The following TRIP12 variants were observed in gnomAD, a reference collection of about 807,000 sequenced individuals.
The protein encoded by TRIP12 is E3 ubiquitin-protein ligase TRIP12.
TRIP12 carries 25 observed loss-of-function variants against 244.2 expected under a neutral mutation model. That is an observed-to-expected ratio of 0.10 (90% CI 0.07 to 0.14). The LOEUF (loss-of-function observed/expected upper bound fraction) is 0.14, where lower values mean the gene tolerates loss of function less well. Among genes scored for constraint, TRIP12 ranks in the 10% least tolerant of loss-of-function variants. The pLI, the probability that TRIP12 is intolerant of heterozygous loss-of-function variation, is 1.00. For synonymous variants in TRIP12, 905 were observed against 873.1 expected, an observed-to-expected ratio of 1.04 and a Z score of -0.64; for missense variants, 1,677 against 2,486.4, an observed-to-expected ratio of 0.67 and a Z score of 6.92.
At chr2:229,863,316 A>C (rs940286301) in intron 2 of TRIP12, among the ~76,000 whole-genome samples, 12 of 152,076 alleles carry the variant, frequency 7.9e-5, no homozygotes, top group Admixed American at 4.6e-4. Flanking sequence ...GTGATATTCT[A>C]AGGACTGTTT....
At chr2:229,922,731 T>G, upstream of TRIP12, 2 of 966,750 alleles carry the variant, frequency 2.1e-6, no homozygotes, top group Admixed American at 2.8e-5. Flanking sequence ...CAGTCCCGGC[T>G]CCGCGCCGGG....
At chr2:229,858,630 G>A in intron 4 of TRIP12, 142 bp downstream of exon 4, 2 of 704,320 alleles carry the variant, frequency 2.8e-6, no homozygotes, top group Non-Finnish European at 4.6e-6. Flanking sequence ...ATGCTGTTAT[G>A]TACTTAATTA....
chr2:229,844,324 T>C (rs1368026983), intron 4 of TRIP12, among the ~76,000 whole-genome samples: 5 of 152,248 alleles, frequency 3.3e-5, no homozygotes, highest in Non-Finnish European at 7.3e-5. Flanking sequence ...GAGAAATGTC[T>C]GCCTACTTAA....
chr2:229,874,373 A>C (rs763363791), intron 2 of TRIP12, among the ~76,000 whole-genome samples: 8 of 152,212 alleles, frequency 5.3e-5, no homozygotes, highest in Non-Finnish European at 1.0e-4. Flanking sequence ...GAAAGACAAA[A>C]GTCTTCAAAA....
Position 229,778,904 on chromosome 2 carries a change from A to T in TRIP12, c.5181T>A (p.Gly1727=), listed in dbSNP as rs1388904938. Reference sequence around the variant, plus strand: ...TTGGATTGCTAAGAGTTACTTCTTCACCTCTCCAAAGACCCAAGTCAGCTC... The same window carrying T: ...TTGGATTGCTAAGAGTTACTTCTTCTCCTCTCCAAAGACCCAAGTCAGCTC... ...LQRADLGLWR[G]EEVTLSNPKG... is the part of the protein sequence containing the mutation. Residue 1727 remains glycine, a synonymous_variant, in exon 35 of 42, where the codon GGT becomes GGA. Coordinates refer to ENST00000675903, the MANE Select transcript of TRIP12 (RefSeq NM_001348323.3). The surrounding 1 kb of genome is among the most constrained non-coding windows in gnomAD (Gnocchi z 4.1). 2 of 1,613,918 alleles carry T rather than the reference A, an allele frequency of 1.2e-6. No homozygotes were observed. The highest frequency in any genetic ancestry group is 1.7e-6 in the Non-Finnish European group (2 of 1,179,834).
rs781413926 is a variant in TRIP12 at position 229,767,671 on chromosome 2, G to C, written c.6087C>G (p.Pro2029=). Residue 2029 remains proline (P), a synonymous_variant, in exon 42 of 42, where the codon CCC becomes CCG. Coordinates refer to ENST00000675903, the MANE Select transcript of TRIP12 (RefSeq NM_001348323.3). ...ESTENPDDFL[P]SVMTCVNYLK... ...GATAGTTCACACAAGTCATTACAGA[G>C]GGCAAGAAGTCATCTGGGTTTTCTG... 1.9e-6 allele frequency: 3 copies of C among 1,613,984 alleles called. No individual in the cohort carries two copies. The highest frequency in any genetic ancestry group is 2.7e-5 in the African/African-American group (2 of 74,918).
intron 4 of TRIP12, among the ~76,000 whole-genome samples, chr2:229,851,853 G>A (rs1357881663): frequency 2.0e-5 from 3 of 152,050 alleles, no homozygotes; most frequent in East Asian, 1.9e-4. Flanking sequence ...CTCCAGACGC[G>A]CCACCTTAAG....
In TRIP12 at chr2:229,787,523, A is replaced by G. The variant is rs1207643198; in HGVS notation, c.4977T>C (p.Pro1659=). 1.2e-6 allele frequency: 2 copies of G among 1,609,412 alleles called. No individual in the cohort carries two copies. The highest frequency in any genetic ancestry group is 1.1e-5 in the South Asian group (1 of 89,370). ...QSDSQDSRVA[P]RLDRKKRTVN... ...AACTTACTTTTTTTCTATCCAATCT[A>G]GGTGCAACTCTGCTATCTTGAGAAT... The change falls in exon 33 of 42, where the codon CCT becomes CCC. Residue 1659 remains proline (P), a synonymous_variant. Transcript: ENST00000675903.
intron 4 of TRIP12, among the ~76,000 whole-genome samples, chr2:229,845,091 A>G (rs1419345127): frequency 6.6e-6 from 1 of 152,226 alleles, no homozygotes; most frequent in Non-Finnish European, 1.5e-5. Context: ...GTTGATATAT[A>G]AATGAGTAGA....
chr2:229,791,494 A>G (rs1294992333), intron 29 of TRIP12, among the ~76,000 whole-genome samples: 1 of 152,242 alleles, frequency 6.6e-6, no homozygotes. Context: ...AAGCATATGT[A>G]GCAGACACTC....
At chr2:229,850,860 G>A (rs2058539593) in intron 4 of TRIP12, among the ~76,000 whole-genome samples, 1 of 152,250 alleles carries the variant, frequency 6.6e-6, no homozygotes, top group Admixed American at 6.5e-5. Flanking sequence ...TCAGCACCCG[G>A]GCCAGCGGCT....
chr2:229,837,690 G>A (rs1477358144), intron 5 of TRIP12, among the ~76,000 whole-genome samples: 1 of 151,496 alleles, frequency 6.6e-6, no homozygotes, highest in Admixed American at 6.6e-5. Context: ...AGGAGGAGAT[G>A]GAAAAAAATT....
Position 229,815,361 on chromosome 2 carries a change from G to C in TRIP12, c.1600-53C>G. 2.8e-6 allele frequency: 3 copies of C among 1,079,088 alleles called. No individual in the cohort carries two copies. The South Asian group carries it at 4.5e-5, about 16-fold the overall frequency. The allele number at this position is 1,079,088 out of a possible 1,614,324, so 66.8% of individuals were successfully genotyped here. A position where few individuals can be genotyped will look rare whatever the true frequency, so the allele number is the denominator to read the frequency against. On this transcript the variant is annotated intron_variant, in intron 9 of 41. Transcript: ENST00000675903. ...AGCTATATTCCTTGGGAAAATCCTAGAGGTATTTCTTCCTCTTCTATTTGA... is the reference window on the plus strand; with the variant it reads ...AGCTATATTCCTTGGGAAAATCCTACAGGTATTTCTTCCTCTTCTATTTGA...
At chr2:229,830,650 G>C (rs2053104723) in intron 7 of TRIP12, 106 bp downstream of exon 7, 1 of 1,176,492 alleles carries the variant, frequency 8.5e-7, no homozygotes. Flanking sequence ...TGCAGGCACT[G>C]CTAGATTATG....
chr2:229,815,205 A>G lies in TRIP12; in HGVS notation c.1636-11T>C. ...ACAAGCATGGTTCATCTAGAAAAGA[A>G]GAGATTTTAATGAGTAAAAACTCAA... On this transcript the variant is annotated splice_polypyrimidine_tract_variant and intron_variant, in intron 10 of 41. Transcript: ENST00000675903. 1.9e-6 allele frequency: 3 copies of G among 1,607,694 alleles called. No individual in the cohort carries two copies. Among genetic ancestry groups the G allele is most frequent in the Admixed American group, 3.4e-5 (2 of 58,792 alleles).
chr2:229,880,276 G>A (rs2064552003), intron 1 of TRIP12, 148 bp from the exon 2 acceptor site: 2 of 594,870 alleles, frequency 3.4e-6, no homozygotes, highest in Non-Finnish European at 5.9e-6. Context: ...TCACTGAACT[G>A]TGAAGTCTGA....
intron 1 of TRIP12, among the ~76,000 whole-genome samples, chr2:229,884,294 T>C (rs1371268147): frequency 6.9e-6 from 1 of 145,780 alleles, no homozygotes; most frequent in Non-Finnish European, 1.5e-5. Flanking sequence ...TGGAGTGCAG[T>C]GGCACGATCT....
At chr2:229,897,655 TAAAG>T (rs1576855779) in intron 1 of TRIP12, among the ~76,000 whole-genome samples, 1 of 152,272 alleles carries the variant, frequency 6.6e-6, no homozygotes, top group East Asian at 1.9e-4. Context: ...TCTAAATAAA[TAAAG>T]ATAATTATCT....
At chr2:229,840,783 TA>T in intron 5 of TRIP12, 38 bp downstream of exon 5, 1 of 1,336,392 alleles carries the variant, frequency 7.5e-7, no homozygotes. Flanking sequence ...AGCAACAGAA[TA>T]AAAATGAACT....
Sources: allele counts gnomAD v4.1 joint callset (sites outside exome capture counted in the v4.1 genomes callset), GRCh38; gene constraint gnomAD v4.1.1; non-coding constraint Gnocchi (gnomAD v3.1); transcripts MANE v1.5; gene names NCBI Gene and HGNC (gene_info 2026-07-23, HGNC 2026-07-21).